SORD: variants seen among roughly 807,000 people sequenced by gnomAD.
The protein encoded by SORD is (R,R)-butanediol dehydrogenase.
Under a neutral mutation model 35.6 loss-of-function variants are expected in SORD, and 18 were observed. The observed-to-expected ratio is 0.51, with a 90% CI of 0.35 to 0.75. The LOEUF is 0.75. SORD is among the 30% of genes least tolerant of loss of function. SORD has a pLI of 0.01. For synonymous variants in SORD, 106 were observed against 152.9 expected (o/e 0.69, Z 2.26); for missense variants, 250 against 390.2 (o/e 0.64, Z 3.03).
intron 1 of SORD, among the ~76,000 whole-genome samples, chr15:45,026,432 G>T (rs1462685069): frequency 6.6e-6 from 1 of 152,174 alleles, no homozygotes; most frequent in South Asian, 2.1e-4. Context: ...AAGATAAGAG[G>T]AAGTGGGGAG....
chr15:45,037,428 C>G (rs545926002), intron 1 of SORD, among the ~76,000 whole-genome samples: 1 of 152,124 alleles, frequency 6.6e-6, no homozygotes, highest in African/African-American at 2.4e-5. Context: ...CGAAATGGGG[C>G]GTTCAGGTCT....
At chr15:45,029,084 G>GA (rs1892726740) in intron 1 of SORD, among the ~76,000 whole-genome samples, 1 of 152,248 alleles carries the variant, frequency 6.6e-6, no homozygotes, top group Non-Finnish European at 1.5e-5. Flanking sequence ...ACTTGAGAGT[G>GA]AAAAGAGAAT....
rs531694963 is a variant in SORD, at chr15:45,046,707, C to T, written c.265+3286C>T. On this transcript the variant is annotated intron_variant, in intron 3 of 8. Transcript: ENST00000267814. ...ACAACTCATCAAATATTTCCTAATGCGCATTTACAGAATTTAAACATATAA... is the reference window on the plus strand; with the variant it reads ...ACAACTCATCAAATATTTCCTAATGTGCATTTACAGAATTTAAACATATAA... 4.2e-4 allele frequency among the ~76,000 whole-genome samples: 64 copies of T among 152,254 alleles called. 1 individual carries two copies. Among genetic ancestry groups the T allele is most frequent in the Middle Eastern group, 3.4e-3 (1 of 294 alleles).
chr15:45,067,090 G>A (rs1222196119), intron 5 of SORD, among the ~76,000 whole-genome samples: 4 of 152,174 alleles, frequency 2.6e-5, no homozygotes, highest in South Asian at 2.1e-4. Context: ...GGCTGGGCAT[G>A]GTGGCTCATG....
intron 1 of SORD, among the ~76,000 whole-genome samples, chr15:45,030,944 G>T (rs1289815957): frequency 6.6e-6 from 1 of 152,242 alleles, no homozygotes; most frequent in Non-Finnish European, 1.5e-5. Context: ...GGAGCCCAGA[G>T]GTTTCACAAT....
At chr15:45,045,233 A>T (rs1458662719) in intron 3 of SORD, among the ~76,000 whole-genome samples, 1 of 152,112 alleles carries the variant, frequency 6.6e-6, no homozygotes, top group Non-Finnish European at 1.5e-5. Context: ...CAGAGCTAAT[A>T]TTCTAGTTAA....
chr15:45,061,256 T>G (rs1893301203), intron 4 of SORD, 30 bp downstream of exon 4: 4 of 1,610,428 alleles, frequency 2.5e-6, no homozygotes, highest in Non-Finnish European at 3.4e-6. Flanking sequence ...CTGGGTCACC[T>G]GGGACCTCTT....
At chr15:45,055,467 A>G (rs933104957) in intron 3 of SORD, among the ~76,000 whole-genome samples, 1 of 152,226 alleles carries the variant, frequency 6.6e-6, no homozygotes, top group African/African-American at 2.4e-5. Flanking sequence ...GAATAGACCA[A>G]TAACAGGCTC....
At chr15:45,060,297 T>C (rs1893281093) in intron 3 of SORD, among the ~76,000 whole-genome samples, 1 of 152,196 alleles carries the variant, frequency 6.6e-6, no homozygotes, top group South Asian at 2.1e-4. Flanking sequence ...GGTATCCAGG[T>C]GTTCGCTATA....
chr15:45,036,023 AG>A (rs1165924731), intron 1 of SORD, among the ~76,000 whole-genome samples: 1 of 151,510 alleles, frequency 6.6e-6, no homozygotes. Context: ...ACCCACCGGG[AG>A]GAACAAACAA....
At chr15:45,036,190 CTG>C in intron 1 of SORD, 3 of 368,694 alleles carry the variant, frequency 8.1e-6, no homozygotes, top group South Asian at 6.2e-5. Flanking sequence ...CCTTTAGGAA[CTG>C]TAACACTCAA....
At chr15:45,036,004 A>C (rs572703074) in intron 1 of SORD, among the ~76,000 whole-genome samples, 60 of 151,936 alleles carry the variant, frequency 3.9e-4, no homozygotes, top group African/African-American at 1.4e-3. Context: ...GAAGCCAGGG[A>C]GACCACGAAC....
intron 3 of SORD, among the ~76,000 whole-genome samples, chr15:45,058,059 A>G (rs1035791167): frequency 2.0e-5 from 3 of 152,238 alleles, no homozygotes; most frequent in African/African-American, 7.2e-5. Flanking sequence ...ACAAAATTAT[A>G]TTCCCAGGTT....
chr15:45,027,172 G>A (rs114519700), intron 1 of SORD, among the ~76,000 whole-genome samples: 29,376 of 147,178 alleles, frequency 0.2, no homozygotes, highest in African/African-American at 0.44. Flanking sequence ...CCTTCATTTT[G>A]AATAGAGAAA....
rs191969040 is a variant in SORD at position 45,052,155 on chromosome 15, T to G, written c.265+8734T>G. ...TCTCTAATTTCCTCTGGGAGGAAAG[T>G]GGCTGGGCTTAGGCAATTAAGTGGA... On this transcript the variant is annotated intron_variant, in intron 3 of 8. Coordinates refer to ENST00000267814, the MANE Select transcript of SORD (RefSeq NM_003104.6). 1.6e-3 allele frequency among the ~76,000 whole-genome samples: 251 copies of G among 152,336 alleles called. 1 individual carries two copies. The highest frequency in any genetic ancestry group is 6.8e-3 in the Middle Eastern group (2 of 294).
intron 1 of SORD, among the ~76,000 whole-genome samples, chr15:45,027,458 A>G (rs1431176877): frequency 1.3e-5 from 2 of 152,250 alleles, no homozygotes. Flanking sequence ...GTGCGTGTGA[A>G]AGGCCTAGCA....
chr15:45,052,061 C>T (rs1893133216), intron 3 of SORD, among the ~76,000 whole-genome samples: 1 of 152,196 alleles, frequency 6.6e-6, no homozygotes, highest in Non-Finnish European at 1.5e-5. Context: ...TCCATGTCTT[C>T]TTATAATCTT....
At chr15:45,047,903 TC>T (rs1893070089) in intron 3 of SORD, among the ~76,000 whole-genome samples, 1 of 152,220 alleles carries the variant, frequency 6.6e-6, no homozygotes, top group Admixed American at 6.5e-5. Context: ...TATGGGTCAC[TC>T]CCCAGATTCA....
At chr15:45,031,549 C>A (rs748278440) in intron 1 of SORD, among the ~76,000 whole-genome samples, 1 of 152,258 alleles carries the variant, frequency 6.6e-6, no homozygotes. Flanking sequence ...ACTTTCTTTG[C>A]TGTTTTTATA....
Sources: gnomAD v4.1 joint callset for allele counts (sites outside exome capture counted in the v4.1 genomes callset) on GRCh38, gnomAD v4.1.1 for gene constraint, MANE v1.5 for transcripts, NCBI Gene and HGNC (gene_info 2026-07-23, HGNC 2026-07-21) for gene names.